Variants in GNAQ observed in about 807,000 individuals in gnomAD.
The protein encoded by GNAQ is guanine nucleotide-binding protein G(q) subunit alpha.
GNAQ carries 8 observed loss-of-function variants against 43.9 expected under a neutral mutation model. The ratio of observed to expected loss-of-function variants is 0.18; its 90% CI spans 0.11 to 0.33. GNAQ has a LOEUF of 0.33. GNAQ is among the 10% of genes least tolerant of loss of function. The pLI, the probability that GNAQ is intolerant of heterozygous loss-of-function variation, is 1.00. For missense variants in GNAQ, 158 were observed against 450.8 expected, an observed-to-expected ratio of 0.35 and a Z score of 5.88; for synonymous variants, 155 against 170.7, an observed-to-expected ratio of 0.91 and a Z score of 0.71.
intron 2 of GNAQ, among the ~76,000 whole-genome samples, chr9:77,892,330 T>C (rs906127462): frequency 1.3e-5 from 2 of 152,178 alleles, no homozygotes; most frequent in Non-Finnish European, 2.9e-5. Context: ...CCCTATGCCA[T>C]GTAAATGCAT....
intron 1 of GNAQ, among the ~76,000 whole-genome samples, chr9:78,020,725 T>C (rs983365114): frequency 1.3e-5 from 2 of 152,138 alleles, no homozygotes; most frequent in African/African-American, 4.8e-5. Context: ...GCTACCCCTA[T>C]TGGCAACAAC....
intron 2 of GNAQ, among the ~76,000 whole-genome samples, chr9:77,910,012 T>C (rs2118206914): frequency 6.6e-6 from 1 of 152,324 alleles, no homozygotes; most frequent in African/African-American, 2.4e-5. Context: ...AACATACTAT[T>C]TAAAAACATA....
At chr9:77,919,203 A>T in intron 2 of GNAQ, among the ~76,000 whole-genome samples, 1 of 152,212 alleles carries the variant, frequency 6.6e-6, no homozygotes, top group Non-Finnish European at 1.5e-5. Flanking sequence ...TACAGGTATG[A>T]GTCACCATAC....
intron 5 of GNAQ, among the ~76,000 whole-genome samples, chr9:77,751,699 T>C (rs913379703): frequency 6.6e-6 from 1 of 152,152 alleles, no homozygotes; most frequent in Non-Finnish European, 1.5e-5. Flanking sequence ...TTATTCTCCT[T>C]AGTAATAAGA....
At chr9:77,976,742 C>A (rs1292952877) in intron 1 of GNAQ, among the ~76,000 whole-genome samples, 1 of 152,146 alleles carries the variant, frequency 6.6e-6, no homozygotes, top group African/African-American at 2.4e-5. Flanking sequence ...GATTAGTTGG[C>A]AACATTTAAA....
chr9:77,917,244 A>AC (rs1210654785), intron 2 of GNAQ, among the ~76,000 whole-genome samples: 9 of 152,350 alleles, frequency 5.9e-5, no homozygotes, highest in Non-Finnish European at 1.3e-4. Flanking sequence ...GCTGTAACTC[A>AC]AAGACAGTTC....
chr9:77,914,828 CAAAAA>C (rs71503232), intron 2 of GNAQ, among the ~76,000 whole-genome samples: 5 of 98,118 alleles, frequency 5.1e-5, no homozygotes, highest in Non-Finnish European at 1.1e-4. Flanking sequence ...TTTTGAACAC[CAAAAA>C]AAAAAAAAAA....
At chr9:77,787,342 G>T (rs1177174065) in intron 5 of GNAQ, among the ~76,000 whole-genome samples, 1 of 152,212 alleles carries the variant, frequency 6.6e-6, no homozygotes. Flanking sequence ...AATGGTCTTG[G>T]CAAAGTTCTG....
At position 78,031,314 on chromosome 9, in the gene GNAQ, C is replaced by G. The variant is rs1220765954; in HGVS notation, c.-79G>C. 1.7e-6 allele frequency: 2 copies of G among 1,180,432 alleles called. No individual in the cohort carries two copies. The highest frequency in any genetic ancestry group is 2.2e-6 in the Non-Finnish European group (2 of 918,088). The allele number at this position is 1,180,432 out of a possible 1,614,324, so 73.1% of individuals were successfully genotyped here. A position where few individuals can be genotyped will look rare whatever the true frequency, so the allele number is the denominator to read the frequency against. On this transcript the variant is annotated 5_prime_UTR_variant, in exon 1 of 7. Transcript: ENST00000286548. ...CACACACACCCTCCCGCCCTCGCTC[C>G]CCCGAGGCAGCGGTGGCCGCCGAGC...
At chr9:78,026,604 A>G (rs561234474) in intron 1 of GNAQ, among the ~76,000 whole-genome samples, 1 of 152,110 alleles carries the variant, frequency 6.6e-6, no homozygotes, top group Non-Finnish European at 1.5e-5. Flanking sequence ...CTTTCACTCA[A>G]TGGTTCTGAG....
intron 2 of GNAQ, among the ~76,000 whole-genome samples, chr9:77,862,085 GCAGGGTATA>G (rs1354914212): frequency 6.6e-6 from 1 of 151,016 alleles, no homozygotes; most frequent in Non-Finnish European, 1.5e-5. Context: ...CTGTGGCTTT[GCAGGGTATA>G]CCCCTCTCCT....
rs149431009 is a variant in GNAQ, at chr9:77,743,344, G to A, written c.736-14677C>T. 3.1e-3 allele frequency among the ~76,000 whole-genome samples: 471 copies of A among 152,310 alleles called. 3 individuals carry two copies. Among genetic ancestry groups the A allele is most frequent in the Middle Eastern group, 0.014 (4 of 294 alleles). ...CCACAGTCGGCACAGAGCCATGAAAGAGTGTATCACACTTAAAACCTCTGG... is the reference window on the plus strand; with the variant it reads ...CCACAGTCGGCACAGAGCCATGAAAAAGTGTATCACACTTAAAACCTCTGG... On this transcript the variant is annotated intron_variant, in intron 5 of 6. Coordinates refer to ENST00000286548, the MANE Select transcript of GNAQ (RefSeq NM_002072.5).
intron 1 of GNAQ, among the ~76,000 whole-genome samples, chr9:77,958,213 T>A (rs555347271): frequency 1.4e-4 from 21 of 152,338 alleles, no homozygotes; most frequent in Admixed American, 3.3e-4. Flanking sequence ...CTTTGCTTTC[T>A]ATTTTTCATT....
chr9:77,911,198 CAA>C (rs1272318548), intron 2 of GNAQ, among the ~76,000 whole-genome samples: 1 of 152,142 alleles, frequency 6.6e-6, no homozygotes, highest in East Asian at 1.9e-4. Flanking sequence ...AGATGAAAAA[CAA>C]TGCAGATAGG....
At position 77,870,196 on chromosome 9, in the gene GNAQ, A is replaced by G. The variant is rs565494756; in HGVS notation, c.321+51965T>C. ...GGCTATGGGAGCTTTATCAGCTAAT[A>G]GAGAATCTTTGAGTAATTTCTTTTG... On this transcript the variant is annotated intron_variant, in intron 2 of 6. Transcript: ENST00000286548. Among the ~76,000 whole-genome samples the G allele has an allele frequency of 3.9e-5, 6 of 152,334 alleles. No homozygotes were observed. In the South Asian group the frequency reaches 1.0e-3, roughly 26 times the overall value.
intron 2 of GNAQ, among the ~76,000 whole-genome samples, chr9:77,844,895 G>A (rs984184600): frequency 5.3e-5 from 8 of 152,000 alleles, no homozygotes; most frequent in Non-Finnish European, 1.0e-4. Context: ...GGCTGGTCTC[G>A]AACTCCTGAC....
chr9:77,740,850 G>A (rs1419581134), intron 5 of GNAQ, among the ~76,000 whole-genome samples: 3 of 152,164 alleles, frequency 2.0e-5, no homozygotes, highest in Non-Finnish European at 4.4e-5. Flanking sequence ...GTGTGTAAAA[G>A]GCACTGGCAA....
chr9:77,756,517 G>A (rs1364484243), intron 5 of GNAQ, among the ~76,000 whole-genome samples: 2 of 152,234 alleles, frequency 1.3e-5, no homozygotes, highest in South Asian at 4.1e-4. Flanking sequence ...GGGCAGGTTA[G>A]TAAGTTCTTA....
At chr9:77,974,458 C>T (rs1587440200) in intron 1 of GNAQ, among the ~76,000 whole-genome samples, 2 of 152,188 alleles carry the variant, frequency 1.3e-5, no homozygotes, top group Non-Finnish European at 2.9e-5. Context: ...ACATGCCATG[C>T]TTACTATGTG....
Sources: gnomAD v4.1 joint callset for allele counts (sites outside exome capture counted in the v4.1 genomes callset) on GRCh38, gnomAD v4.1.1 for gene constraint, MANE v1.5 for transcripts, NCBI Gene and HGNC (gene_info 2026-07-23, HGNC 2026-07-21) for gene names.